The following HTR1F variants were observed in gnomAD, a reference collection of about 807,000 sequenced individuals.
HTR1F encodes 5-hydroxytryptamine (serotonin) receptor 1F, G protein-coupled.
In HTR1F, 17 loss-of-function variants were observed where a neutral mutation model predicts 24.0. That is an observed-to-expected ratio of 0.71 (90% CI 0.48 to 1.06). The LOEUF is 1.06. HTR1F is among the 50% of genes least tolerant of loss of function. The pLI is 0.00. For synonymous variants in HTR1F, 186 were observed against 156.8 expected, an observed-to-expected ratio of 1.19 and a Z score of -1.39; for missense variants, 391 against 427.8, an observed-to-expected ratio of 0.91 and a Z score of 0.76.
At chr3:87,960,400 C>T (rs1397442943) in intron 2 of HTR1F, among the ~76,000 whole-genome samples, 5 of 151,882 alleles carry the variant, frequency 3.3e-5, no homozygotes, top group African/African-American at 9.7e-5. Flanking sequence ...CAGTAATTCT[C>T]AAAACTGAAG....
At chr3:87,931,422 C>T (rs1704268912) in intron 2 of HTR1F, among the ~76,000 whole-genome samples, 1 of 152,108 alleles carries the variant, frequency 6.6e-6, no homozygotes, top group Non-Finnish European at 1.5e-5. Context: ...TGTATATGTG[C>T]CACATTTTCT....
intron 2 of HTR1F, among the ~76,000 whole-genome samples, chr3:87,946,783 G>T (rs762423002): frequency 2.0e-5 from 3 of 151,898 alleles, no homozygotes; most frequent in African/African-American, 4.8e-5. Context: ...GTGCTACCAC[G>T]CCCAGCTAAT....
intron 2 of HTR1F, among the ~76,000 whole-genome samples, chr3:87,906,443 T>C (rs1703669433): frequency 6.6e-6 from 1 of 152,134 alleles, no homozygotes; most frequent in Admixed American, 6.6e-5. Context: ...CATTCAATTT[T>C]GAAATAAAAA....
intron 2 of HTR1F, among the ~76,000 whole-genome samples, chr3:87,899,879 C>T (rs1321644779): frequency 6.6e-6 from 1 of 152,062 alleles, no homozygotes. Flanking sequence ...AACAAACAAA[C>T]AAAAATCGCA....
At chr3:87,949,788 G>A (rs1704793002) in intron 2 of HTR1F, among the ~76,000 whole-genome samples, 1 of 152,080 alleles carries the variant, frequency 6.6e-6, no homozygotes, top group Non-Finnish European at 1.5e-5. Context: ...TTCATTTTCT[G>A]TGATAGCCCT....
intron 2 of HTR1F, among the ~76,000 whole-genome samples, chr3:87,834,340 TATAA>T (rs1488432038): frequency 1.3e-5 from 2 of 152,202 alleles, no homozygotes; most frequent in African/African-American, 2.4e-5. Context: ...CAAATACTCA[TATAA>T]ATACTCATAT....
chr3:87,990,310 A>C (rs1166416846), intron 2 of HTR1F, among the ~76,000 whole-genome samples: 2 of 152,160 alleles, frequency 1.3e-5, no homozygotes, highest in East Asian at 3.8e-4. Flanking sequence ...ATATAACTCA[A>C]CTAGTCAGTC....
chr3:87,930,915 C>A (rs1370171219), intron 2 of HTR1F, among the ~76,000 whole-genome samples: 3 of 151,964 alleles, frequency 2.0e-5, no homozygotes, highest in African/African-American at 7.3e-5. Context: ...CACACTTTTA[C>A]ACATCTCAGT....
chr3:87,936,659 T>G (rs894275025), intron 2 of HTR1F, among the ~76,000 whole-genome samples: 6 of 152,094 alleles, frequency 3.9e-5, no homozygotes, highest in Admixed American at 2.0e-4. Flanking sequence ...AGAGTGAACT[T>G]TGGAGCACAA....
At chr3:87,804,390 C>T (rs555402737) in intron 1 of HTR1F, among the ~76,000 whole-genome samples, 16 of 151,902 alleles carry the variant, frequency 1.1e-4, no homozygotes, top group South Asian at 4.2e-4. Context: ...GGAAACACAG[C>T]AAGAGCTCAT....
At chr3:87,880,974 C>A (rs1205185465) in intron 2 of HTR1F, among the ~76,000 whole-genome samples, 1 of 152,150 alleles carries the variant, frequency 6.6e-6, no homozygotes, top group Non-Finnish European at 1.5e-5. Context: ...GATGGCCAAA[C>A]AGGAACAGCT....
chr3:87,829,464 T>G (rs919928306), intron 2 of HTR1F, among the ~76,000 whole-genome samples: 7 of 152,236 alleles, frequency 4.6e-5, no homozygotes, highest in African/African-American at 1.7e-4. Context: ...CCTCCAAATT[T>G]GGCAGAAGAG....
At chr3:87,872,488 T>C (rs1348517225) in intron 2 of HTR1F, among the ~76,000 whole-genome samples, 1 of 152,060 alleles carries the variant, frequency 6.6e-6, no homozygotes, top group Non-Finnish European at 1.5e-5. Flanking sequence ...AACTAAGAGT[T>C]GGATTCTTGA....
chr3:87,839,536 TG>T (rs756244910), intron 2 of HTR1F, among the ~76,000 whole-genome samples: 15 of 152,158 alleles, frequency 9.9e-5, no homozygotes, highest in Non-Finnish European at 1.9e-4. Context: ...TTTGATGATT[TG>T]GGGTCTTTTG....
chr3:87,916,324 A>G (rs1270326174), intron 2 of HTR1F, among the ~76,000 whole-genome samples: 4 of 150,932 alleles, frequency 2.7e-5, no homozygotes, highest in African/African-American at 4.9e-5. Flanking sequence ...AAAAAAAAAA[A>G]AAAACAAGGT....
intron 2 of HTR1F, among the ~76,000 whole-genome samples, chr3:87,861,984 T>C (rs184665464): frequency 1.3e-5 from 2 of 152,172 alleles, no homozygotes; most frequent in Non-Finnish European, 2.9e-5. Context: ...TTAAATATGT[T>C]ATAAATCCCA....
At chr3:87,975,468 T>C (rs1705374390) in intron 2 of HTR1F, among the ~76,000 whole-genome samples, 1 of 152,144 alleles carries the variant, frequency 6.6e-6, no homozygotes, top group African/African-American at 2.4e-5. Flanking sequence ...TACAGACAAA[T>C]GTGTCCTAAT....
At position 87,912,342 on chromosome 3, in the gene HTR1F, A is replaced by G. The variant is rs1384048415; in HGVS notation, c.-42-78366A>G. 2.0e-5 allele frequency among the ~76,000 whole-genome samples: 3 copies of G among 152,202 alleles called. No homozygotes were observed. In the East Asian group the frequency reaches 5.8e-4, roughly 29 times the overall value. On this transcript the variant is annotated intron_variant, in intron 2 of 2. Coordinates refer to ENST00000319595, the MANE Select transcript of HTR1F (RefSeq NM_001322209.2). ...ACAATTGCTAAAAAAAGGATAAAAT[A>G]CCCAGGAATACAGCTAACCATGGAG...
chr3:87,885,943 C>T (rs1390871454), intron 2 of HTR1F, among the ~76,000 whole-genome samples: 1 of 152,244 alleles, frequency 6.6e-6, no homozygotes. Context: ...CCTTCTGAAA[C>T]TATTCCAATC....
Sources: gnomAD v4.1 joint callset for allele counts (sites outside exome capture counted in the v4.1 genomes callset) on GRCh38, gnomAD v4.1.1 for gene constraint, MANE v1.5 for transcripts, NCBI Gene and HGNC (gene_info 2026-07-23, HGNC 2026-07-21) for gene names.